The following NRG1 variants were observed in gnomAD, a reference collection of about 807,000 sequenced individuals.
The protein encoded by NRG1 is pro-neuregulin-1, membrane-bound isoform.
Under a neutral mutation model 63.8 loss-of-function variants are expected in NRG1, and 18 were observed. That is an observed-to-expected ratio of 0.28 (90% CI 0.19 to 0.42). The LOEUF (loss-of-function observed/expected upper bound fraction) is 0.42. Among genes scored for constraint, NRG1 ranks in the 10% least tolerant of loss-of-function variants. The pLI is 1.00. For synonymous variants in NRG1, 302 were observed against 301.3 expected (o/e 1.00, Z -0.02); for missense variants, 762 against 814.7 (o/e 0.94, Z 0.79).
At chr8:32,228,621 T>C (rs764146225) in intron 1 of NRG1, among the ~76,000 whole-genome samples, 5 of 152,236 alleles carry the variant, frequency 3.3e-5, no homozygotes, top group Non-Finnish European at 7.3e-5. Flanking sequence ...GTCAGTTCAG[T>C]AAATCGATTT....
At chr8:32,190,221 CTTTT>C (rs1320892372) in intron 1 of NRG1, among the ~76,000 whole-genome samples, 1 of 149,512 alleles carries the variant, frequency 6.7e-6, no homozygotes, top group South Asian at 2.1e-4. Context: ...TTTACTCTTT[CTTTT>C]TTAAAAAATT....
At chr8:32,596,401 C>T (rs1289725706) in intron 2 of NRG1, among the ~76,000 whole-genome samples, 2 of 151,878 alleles carry the variant, frequency 1.3e-5, no homozygotes, top group African/African-American at 4.8e-5. Context: ...GTCAGGAGTT[C>T]GAGACCAGCC....
At chr8:32,125,322 A>G (rs1833939472) in intron 1 of NRG1, among the ~76,000 whole-genome samples, 2 of 151,916 alleles carry the variant, frequency 1.3e-5, no homozygotes. Context: ...TAACAGGTCG[A>G]TTTGATTCTC....
intron 1 of NRG1, among the ~76,000 whole-genome samples, chr8:32,349,779 G>A (rs1805361715): frequency 1.3e-5 from 2 of 152,132 alleles, no homozygotes; most frequent in South Asian, 4.1e-4. Flanking sequence ...CTCTATGGTA[G>A]GCTCCTGGTC....
chr8:31,818,200 C>T (rs1371203054), intron 1 of NRG1, among the ~76,000 whole-genome samples: 1 of 152,132 alleles, frequency 6.6e-6, no homozygotes, highest in Non-Finnish European at 1.5e-5. Context: ...TAATAATTCA[C>T]TAGTTTGTGC....
At chr8:32,405,826 T>TCAAA (rs144530679) in intron 1 of NRG1, among the ~76,000 whole-genome samples, 18,117 of 152,196 alleles carry the variant, frequency 0.12, 1,158 homozygotes, top group South Asian at 0.19. Context: ...TTATATGTTT[T>TCAAA]CATTTCATTA....
chr8:32,665,722 T>C (rs979340808), intron 5 of NRG1, among the ~76,000 whole-genome samples: 1 of 152,214 alleles, frequency 6.6e-6, no homozygotes, highest in Admixed American at 6.5e-5. Context: ...AAGCCATTGA[T>C]ATTAGACGTG....
intron 1 of NRG1, among the ~76,000 whole-genome samples, chr8:31,946,571 T>G (rs1047035378): frequency 6.6e-6 from 1 of 151,682 alleles, no homozygotes. Flanking sequence ...AGAGAATATC[T>G]GTGATGCACT....
At chr8:32,520,453 C>G (rs1830233719) in intron 1 of NRG1, among the ~76,000 whole-genome samples, 3 of 152,052 alleles carry the variant, frequency 2.0e-5, no homozygotes, top group Admixed American at 1.3e-4. Flanking sequence ...GCCACTGCAT[C>G]CAGCCTAGCC....
chr8:32,708,538 T>G (rs991903599), intron 5 of NRG1, among the ~76,000 whole-genome samples: 3 of 152,244 alleles, frequency 2.0e-5, no homozygotes, highest in African/African-American at 4.8e-5. Context: ...GACTTTGTGG[T>G]CAGAGATCTG....
chr8:31,857,475 G>T (rs189152243), intron 1 of NRG1, among the ~76,000 whole-genome samples: 4 of 152,184 alleles, frequency 2.6e-5, no homozygotes, highest in African/African-American at 7.2e-5. Context: ...TTTGGCTCGC[G>T]CAGGGTATGC....
At chr8:32,616,914 G>T in intron 5 of NRG1, 29 bp downstream of exon 5, 1 of 1,515,386 alleles carries the variant, frequency 6.6e-7, no homozygotes, top group Non-Finnish European at 9.2e-7. Flanking sequence ...TCTATTCACT[G>T]GTTTTTAACC....
At chr8:31,901,370 T>G (rs984169161) in intron 1 of NRG1, among the ~76,000 whole-genome samples, 1 of 152,156 alleles carries the variant, frequency 6.6e-6, no homozygotes, top group Non-Finnish European at 1.5e-5. Flanking sequence ...ATTGTTTCAA[T>G]AGTACACCAA....
intron 1 of NRG1, among the ~76,000 whole-genome samples, chr8:32,137,373 C>T (rs1835676832): frequency 6.6e-6 from 1 of 152,006 alleles, no homozygotes. Flanking sequence ...ACCCGAGAGG[C>T]CAAGGTTGCA....
At chr8:32,250,437 T>C (rs1848983569) in intron 1 of NRG1, among the ~76,000 whole-genome samples, 1 of 152,154 alleles carries the variant, frequency 6.6e-6, no homozygotes, top group Non-Finnish European at 1.5e-5. Context: ...CATTCATTAT[T>C]ACCTCTGCAT....
intron 1 of NRG1, among the ~76,000 whole-genome samples, chr8:32,156,857 G>A (rs1838139180): frequency 1.3e-5 from 2 of 152,216 alleles, no homozygotes; most frequent in East Asian, 1.9e-4. Context: ...GACTGCATGA[G>A]CCTAGGAGGC....
chr8:32,456,432 A>G (rs1182761496), intron 1 of NRG1, among the ~76,000 whole-genome samples: 1 of 152,222 alleles, frequency 6.6e-6, no homozygotes, highest in Non-Finnish European at 1.5e-5. Flanking sequence ...GTCCACCTAT[A>G]CACGGATTTT....
At chr8:32,656,978 G>A (rs1010541170) in intron 5 of NRG1, among the ~76,000 whole-genome samples, 12 of 152,110 alleles carry the variant, frequency 7.9e-5, no homozygotes, top group African/African-American at 2.9e-4. Context: ...CCAGCCAAAG[G>A]AGAAATTCAT....
At chr8:32,426,620 CA>C (rs1470688747) in intron 1 of NRG1, among the ~76,000 whole-genome samples, 2 of 152,240 alleles carry the variant, frequency 1.3e-5, no homozygotes, top group Admixed American at 6.5e-5. Context: ...AATGTAGACA[CA>C]GGCCCTTCTC....
Sources: allele counts gnomAD v4.1 joint callset (sites outside exome capture counted in the v4.1 genomes callset), GRCh38; gene constraint gnomAD v4.1.1; transcripts MANE v1.5; gene names NCBI Gene and HGNC (gene_info 2026-07-23, HGNC 2026-07-21).